The following GALNT18 variants were observed in gnomAD, a reference collection of about 807,000 sequenced individuals.
GALNT18 encodes the protein GalNAc-transferase 18.
GALNT18 carries 44 observed loss-of-function variants against 69.5 expected under a neutral mutation model. The observed-to-expected ratio is 0.63, with a 90% CI of 0.50 to 0.81. The LOEUF (loss-of-function observed/expected upper bound fraction) is 0.81, where lower values mean the gene tolerates loss of function less well. Among genes scored for constraint, GALNT18 ranks in the 40% least tolerant of loss-of-function variants. The probability of loss-of-function intolerance (pLI) is 0.00; values close to 1 mark genes in which losing one functional copy is unlikely to be tolerated. For synonymous variants in GALNT18, 364 were observed against 318.2 expected (o/e 1.14, Z -1.53); for missense variants, 715 against 810.0 (o/e 0.88, Z 1.42).
intron 1 of GALNT18, among the ~76,000 whole-genome samples, chr11:11,539,613 T>C (rs1442567668): frequency 1.3e-5 from 2 of 152,028 alleles, no homozygotes; most frequent in Non-Finnish European, 2.9e-5. Flanking sequence ...GATGTTGAAT[T>C]GCTGGGAACA....
Position 11,315,197 on chromosome 11 carries a change from C to T in GALNT18, c.1512+11889G>A, listed in dbSNP as rs1404520196. 1.3e-5 allele frequency among the ~76,000 whole-genome samples: 2 copies of T among 152,142 alleles called. No individual in the cohort carries two copies. Among genetic ancestry groups the T allele is most frequent in the Non-Finnish European group, 2.9e-5 (2 of 68,026 alleles). The stretch of plus-strand genomic sequence containing the variant: ...TGAACTAAGCTTTAAGTTACAGATA[C>T]TTGAGGTCAAGAGAAATTATGTGTT... On this transcript the variant is annotated intron_variant, in intron 9 of 10. Coordinates refer to ENST00000227756, the MANE Select transcript of GALNT18 (RefSeq NM_198516.3). The surrounding 1 kb of genome is among the most constrained non-coding windows in gnomAD (Gnocchi z 5.6).
At chr11:11,393,198 C>A (rs960042199) in intron 3 of GALNT18, among the ~76,000 whole-genome samples, 2 of 152,164 alleles carry the variant, frequency 1.3e-5, no homozygotes, top group African/African-American at 4.8e-5. Context: ...CCCCCCAGGA[C>A]AAAACCTTTC....
At chr11:11,370,190 ACTTT>A (rs1178207688) in intron 6 of GALNT18, among the ~76,000 whole-genome samples, 2 of 152,212 alleles carry the variant, frequency 1.3e-5, no homozygotes, top group Non-Finnish European at 2.9e-5. Context: ...TGCGCAAACA[ACTTT>A]CTTTCTGTGT....
intron 3 of GALNT18, among the ~76,000 whole-genome samples, chr11:11,398,357 A>C (rs926352172): frequency 3.3e-5 from 5 of 152,230 alleles, no homozygotes; most frequent in Admixed American, 3.3e-4. Context: ...AGGGCTAAAT[A>C]GTCACCATAG....
intron 3 of GALNT18, among the ~76,000 whole-genome samples, chr11:11,394,600 A>G (rs187244102): frequency 1.3e-5 from 2 of 152,316 alleles, no homozygotes; most frequent in Admixed American, 6.5e-5. Context: ...TAAGGAGGTG[A>G]GGTTTTTGTT....
chr11:11,290,847 A>T (rs1849284501), intron 10 of GALNT18, among the ~76,000 whole-genome samples: 1 of 151,786 alleles, frequency 6.6e-6, no homozygotes, highest in Admixed American at 6.6e-5. Context: ...ACCTCCATAG[A>T]CTCTGAAGAC....
At chr11:11,401,592 T>C (rs1443967839) in intron 3 of GALNT18, among the ~76,000 whole-genome samples, 1 of 152,256 alleles carries the variant, frequency 6.6e-6, no homozygotes, top group Non-Finnish European at 1.5e-5. Context: ...ATACTGGGAT[T>C]CCTCTACTAG....
rs182384145 is a variant in GALNT18 at position 11,284,041 on chromosome 11, G to A, written c.1677+8988C>T. 1.3e-3 allele frequency among the ~76,000 whole-genome samples: 192 copies of A among 151,982 alleles called. 1 individual carries two copies. Among genetic ancestry groups the A allele is most frequent in the African/African-American group, 4.4e-3 (181 of 41,324 alleles). On this transcript the variant is annotated intron_variant, in intron 10 of 10. Transcript: ENST00000227756. Reference sequence around the variant, plus strand: ...GGACTCTGTGCCCCGCCTTGGCCACGTCACCTCAGGAAAATGGCTGAGCCA... The same window carrying A: ...GGACTCTGTGCCCCGCCTTGGCCACATCACCTCAGGAAAATGGCTGAGCCA...
At chr11:11,348,623 C>T (rs1589926093) in intron 6 of GALNT18, among the ~76,000 whole-genome samples, 1 of 152,304 alleles carries the variant, frequency 6.6e-6, no homozygotes, top group South Asian at 2.1e-4. Flanking sequence ...GGCCCTGTCT[C>T]TTTCCTGCAG....
intron 1 of GALNT18, among the ~76,000 whole-genome samples, chr11:11,458,763 G>T (rs1263001666): frequency 2.0e-5 from 3 of 152,192 alleles, no homozygotes; most frequent in African/African-American, 7.2e-5. Flanking sequence ...TCGCCTTCAC[G>T]GCCTGTGGGC....
In GALNT18 at chr11:11,293,539, T is replaced by TTTTC. The variant is rs1162667424; in HGVS notation, c.1513-347_1513-346insGAAA. Among the ~76,000 whole-genome samples the TTTTC allele has an allele frequency of 2.8e-3, 275 of 99,422 alleles. 7 individuals are homozygous for TTTTC. Among genetic ancestry groups the TTTTC allele is most frequent in the African/African-American group, 0.01 (253 of 24,934 alleles). 65.2% of individuals were successfully genotyped at this position (99,422 alleles called of 152,430 possible). ...ACCCAGTTTACAAACCCCTCTTTTTTTTTTTTTTTTTTTTTTTTGGAGACA... is the reference window on the plus strand; with the variant it reads ...ACCCAGTTTACAAACCCCTCTTTTTTTTTCTTTTTTTTTTTTTTTTTTGGAGACA... On this transcript the variant is annotated intron_variant, in intron 9 of 10. Transcript: ENST00000227756.
intron 1 of GALNT18, among the ~76,000 whole-genome samples, chr11:11,574,457 T>C (rs1858872090): frequency 6.6e-6 from 1 of 152,202 alleles, no homozygotes; most frequent in African/African-American, 2.4e-5. Flanking sequence ...CCTCCCTCAA[T>C]TCTTAACTAC....
chr11:11,378,993 T>C (rs1853842013), intron 4 of GALNT18, 88 bp downstream of exon 4: 8 of 1,240,750 alleles, frequency 6.4e-6, no homozygotes, highest in South Asian at 1.6e-5. Flanking sequence ...CCTTAGGCTA[T>C]GACCAAGATC....
chr11:11,279,720 G>C (rs530428843), intron 10 of GALNT18, among the ~76,000 whole-genome samples: 3 of 152,314 alleles, frequency 2.0e-5, no homozygotes, highest in East Asian at 3.9e-4. Context: ...AAGTCAGGAT[G>C]GTGGTCAGCT....
At chr11:11,386,831 A>G (rs1188830465) in intron 3 of GALNT18, among the ~76,000 whole-genome samples, 1 of 152,134 alleles carries the variant, frequency 6.6e-6, no homozygotes, top group African/African-American at 2.4e-5. Flanking sequence ...CATACTGTCC[A>G]CCTCTACACT....
rs898512394 is a variant in GALNT18 at position 11,591,105 on chromosome 11, G to A, written c.235+30254C>T. On this transcript the variant is annotated intron_variant, in intron 1 of 10. Coordinates refer to ENST00000227756, the MANE Select transcript of GALNT18 (RefSeq NM_198516.3). This position sits in a 1 kb window ranked among gnomAD's most constrained non-coding sequence, Gnocchi z 4.8. ...ATGTTATTGCCCAATGGGACAAGAT[G>A]TGGAGGTGGAAGACAGTGACATTGA... is the stretch of plus-strand genomic sequence containing the variant. Among the ~76,000 whole-genome samples, 1 of 152,044 alleles carries A rather than the reference G, an allele frequency of 6.6e-6. No individual in the cohort carries two copies. The highest frequency in any genetic ancestry group is 2.4e-5 in the African/African-American group (1 of 41,392).
At chr11:11,287,153 C>A (rs911524979) in intron 10 of GALNT18, among the ~76,000 whole-genome samples, 1 of 152,232 alleles carries the variant, frequency 6.6e-6, no homozygotes, top group African/African-American at 2.4e-5. Flanking sequence ...TTGCACAAGG[C>A]AGCCCTTCAG....
At chr11:11,398,632 T>C in intron 3 of GALNT18, among the ~76,000 whole-genome samples, 1 of 152,188 alleles carries the variant, frequency 6.6e-6, no homozygotes, top group South Asian at 2.1e-4. Flanking sequence ...CCCAAGAAGC[T>C]CCAGTTTCCC....
Position 11,511,184 on chromosome 11 carries a change from T to C in GALNT18, c.236-62248A>G, listed in dbSNP as rs1341085351. ...GAATGAGGTTTCTCGCTGTGAATAA[T>C]GGCATTGAAGTATTCAAGGGCTGCA... On this transcript the variant is annotated intron_variant, in intron 1 of 10. Transcript: ENST00000227756. The surrounding 1 kb of genome is among the most constrained non-coding windows in gnomAD (Gnocchi z 4.9). 6.6e-6 allele frequency among the ~76,000 whole-genome samples: 1 copy of C among 152,198 alleles called. No homozygotes were observed. Among genetic ancestry groups the C allele is most frequent in the East Asian group, 1.9e-4 (1 of 5,190 alleles).
Sources: gnomAD v4.1 joint callset for allele counts (sites outside exome capture counted in the v4.1 genomes callset) on GRCh38, gnomAD v4.1.1 for gene constraint, Gnocchi (gnomAD v3.1) non-coding constraint, MANE v1.5 for transcripts, NCBI Gene and HGNC (gene_info 2026-07-23, HGNC 2026-07-21) for gene names.